CADM2: variants seen among roughly 807,000 people sequenced by gnomAD.
CADM2 encodes the protein cell adhesion molecule 2, also known as immunoglobulin superfamily member 4D.
In CADM2, 12 loss-of-function variants were observed where a neutral mutation model predicts 49.8. The ratio of observed to expected loss-of-function variants is 0.24; its 90% CI spans 0.15 to 0.39. CADM2 has a LOEUF of 0.39. Among genes scored for constraint, CADM2 ranks in the 10% least tolerant of loss-of-function variants. The pLI, the probability that CADM2 is intolerant of heterozygous loss-of-function variation, is 1.00. For synonymous variants in CADM2, 214 were observed against 175.4 expected (o/e 1.22, Z -1.74); for missense variants, 378 against 492.3 (o/e 0.77, Z 2.20).
intron 1 of CADM2, among the ~76,000 whole-genome samples, chr3:85,310,661 T>C (rs2044319717): frequency 6.6e-6 from 1 of 152,152 alleles, no homozygotes; most frequent in Non-Finnish European, 1.5e-5. Context: ...GAAAAAAGGT[T>C]TATGCTTCTG....
chr3:86,028,198 TAATA>T (rs1391369000), intron 8 of CADM2, among the ~76,000 whole-genome samples: 2 of 135,950 alleles, frequency 1.5e-5, no homozygotes, highest in African/African-American at 5.5e-5. Flanking sequence ...ACTTAAAGTA[TAATA>T]AATAAATAAA....
At chr3:85,904,903 T>G (rs1716587676) in intron 5 of CADM2, among the ~76,000 whole-genome samples, 1 of 152,202 alleles carries the variant, frequency 6.6e-6, no homozygotes, top group Non-Finnish European at 1.5e-5. Context: ...AATGTCTTTA[T>G]TTTTTGCCTC....
chr3:85,299,702 C>T (rs2044048319), intron 1 of CADM2, among the ~76,000 whole-genome samples: 1 of 151,950 alleles, frequency 6.6e-6, no homozygotes, highest in South Asian at 2.1e-4. Flanking sequence ...GCTTTCAATG[C>T]AAAGCCAAGC....
intron 1 of CADM2, among the ~76,000 whole-genome samples, chr3:85,459,895 C>T (rs1344034983): frequency 2.7e-5 from 4 of 147,486 alleles, no homozygotes; most frequent in Non-Finnish European, 6.0e-5. Flanking sequence ...GTCCACCATA[C>T]ATGGCCCTTT....
At chr3:85,438,324 T>C (rs2037028801) in intron 1 of CADM2, among the ~76,000 whole-genome samples, 1 of 151,622 alleles carries the variant, frequency 6.6e-6, no homozygotes, top group Non-Finnish European at 1.5e-5. Context: ...TGGATCATTA[T>C]CTGTATCTTA....
chr3:85,544,923 G>A (rs1015896956), intron 1 of CADM2, among the ~76,000 whole-genome samples: 4 of 152,116 alleles, frequency 2.6e-5, no homozygotes, highest in African/African-American at 7.2e-5. Flanking sequence ...GGTGCTTTGT[G>A]AACAATCATG....
chr3:85,118,510 G>C (rs6775282), intron 1 of CADM2, among the ~76,000 whole-genome samples: 3 of 152,010 alleles, frequency 2.0e-5, no homozygotes, highest in Non-Finnish European at 4.4e-5. Flanking sequence ...CTGTGCAGGG[G>C]AACTCCCCTT....
chr3:85,144,579 T>A (rs1178450410), intron 1 of CADM2, among the ~76,000 whole-genome samples: 1 of 144,408 alleles, frequency 6.9e-6, no homozygotes, highest in Non-Finnish European at 1.5e-5. Flanking sequence ...ACCACTGCAC[T>A]CCTGCCTGGG....
intron 1 of CADM2, among the ~76,000 whole-genome samples, chr3:85,386,361 T>C (rs997682372): frequency 2.0e-5 from 3 of 152,092 alleles, no homozygotes; most frequent in Non-Finnish European, 4.4e-5. Context: ...GCAGGTCCCA[T>C]CCTGAAACTG....
At chr3:85,086,256 T>C (rs966969802) in intron 1 of CADM2, among the ~76,000 whole-genome samples, 13 of 152,204 alleles carry the variant, frequency 8.5e-5, no homozygotes, top group African/African-American at 3.1e-4. Flanking sequence ...TTTTTATGTA[T>C]ATTATTTTTT....
intron 1 of CADM2, among the ~76,000 whole-genome samples, chr3:85,037,829 T>A (rs111869410): frequency 2.0e-5 from 3 of 152,198 alleles, no homozygotes; most frequent in African/African-American, 7.2e-5. Flanking sequence ...TATATCCTCT[T>A]TCTTTTTAAT....
At chr3:85,890,474 T>C (rs1354352699) in intron 5 of CADM2, among the ~76,000 whole-genome samples, 2 of 152,142 alleles carry the variant, frequency 1.3e-5, no homozygotes, top group African/African-American at 4.8e-5. Flanking sequence ...GAAAAGCTGG[T>C]AATTTGCATT....
rs529065249 is a variant in CADM2, at chr3:85,666,224, G to A, written c.62-60298G>A. On this transcript the variant is annotated intron_variant, in intron 1 of 9. Transcript: ENST00000383699. ...TCTTCATGGAGAGCCATAAACCACT[G>A]TTGAAGGAAATAAGATAGGACACAA... Among the ~76,000 whole-genome samples the A allele has an allele frequency of 5.9e-5, 9 of 152,100 alleles. 1 individual carries two copies. The highest frequency in any genetic ancestry group is 1.9e-4 in the African/African-American group (8 of 41,520).
chr3:85,215,372 A>G (rs1307555554), intron 1 of CADM2, among the ~76,000 whole-genome samples: 4 of 151,280 alleles, frequency 2.6e-5, no homozygotes, highest in African/African-American at 7.3e-5. Context: ...AAAAAAAAAA[A>G]AAAAAAAAAA....
chr3:85,172,365 G>A (rs1251618307), intron 1 of CADM2, among the ~76,000 whole-genome samples: 3 of 152,130 alleles, frequency 2.0e-5, no homozygotes, highest in South Asian at 4.1e-4. Context: ...GCAATTCGGG[G>A]ACACAAAAAC....
intron 1 of CADM2, among the ~76,000 whole-genome samples, chr3:85,295,691 C>T (rs2043941224): frequency 1.3e-5 from 2 of 150,868 alleles, no homozygotes; most frequent in Non-Finnish European, 1.5e-5. Context: ...ATCGCAAGAA[C>T]AAAAAACCAA....
intron 1 of CADM2, among the ~76,000 whole-genome samples, chr3:85,017,785 C>G (rs2034316514): frequency 1.3e-5 from 2 of 152,138 alleles, no homozygotes; most frequent in Middle Eastern, 3.4e-3. Flanking sequence ...AACTTTCAGG[C>G]TTGTTTTCGT....
At chr3:85,233,252 A>T (rs1028917435) in intron 1 of CADM2, among the ~76,000 whole-genome samples, 1 of 152,130 alleles carries the variant, frequency 6.6e-6, no homozygotes, top group Non-Finnish European at 1.5e-5. Flanking sequence ...GGGAGGGATA[A>T]ATAGGTGGCG....
intron 1 of CADM2, among the ~76,000 whole-genome samples, chr3:85,102,578 C>T (rs72905227): frequency 0.024 from 3,630 of 152,140 alleles, 132 homozygotes; most frequent in African/African-American, 0.082. Context: ...GAGAGAAAAG[C>T]AAGACCTATA....
Sources: allele counts gnomAD v4.1 joint callset (sites outside exome capture counted in the v4.1 genomes callset), GRCh38; gene constraint gnomAD v4.1.1; transcripts MANE v1.5; gene names NCBI Gene and HGNC (gene_info 2026-07-23, HGNC 2026-07-21).